PIBF1: variants seen among roughly 807,000 people sequenced by gnomAD.
The protein encoded by PIBF1 is progesterone-induced-blocking factor 1.
Under a neutral mutation model 112.5 loss-of-function variants are expected in PIBF1, and 90 were observed. The observed-to-expected ratio is 0.80, with a 90% CI of 0.67 to 0.95. The LOEUF (loss-of-function observed/expected upper bound fraction) is 0.95, where lower values mean the gene tolerates loss of function less well. Among genes scored for constraint, PIBF1 ranks in the 40% least tolerant of loss-of-function variants. PIBF1 has a pLI of 0.00. For synonymous variants in PIBF1, 301 were observed against 288.6 expected, an observed-to-expected ratio of 1.04 and a Z score of -0.44; for missense variants, 915 against 852.3, an observed-to-expected ratio of 1.07 and a Z score of -0.92.
intron 16 of PIBF1, among the ~76,000 whole-genome samples, chr13:72,992,641 G>C (rs2043517395): frequency 1.3e-5 from 2 of 151,834 alleles, no homozygotes. Context: ...AAAAATGAAA[G>C]ATAAAAAAAT....
intron 17 of PIBF1, among the ~76,000 whole-genome samples, chr13:73,005,845 G>A (rs1239904406): frequency 1.3e-5 from 2 of 151,888 alleles, no homozygotes; most frequent in Non-Finnish European, 2.9e-5. Flanking sequence ...AGGCACTGGG[G>A]ACTGAGGAGA....
In PIBF1 at chr13:72,987,874, T is replaced by A. The variant is rs1438056618; in HGVS notation, c.2050-10948T>A. 7.7e-3 allele frequency among the ~76,000 whole-genome samples: 918 copies of A among 118,858 alleles called. 19 individuals carry two copies. The highest frequency in any genetic ancestry group is 0.029 in the African/African-American group (857 of 29,804). The allele number at this position is 118,858 out of a possible 152,430, so 78.0% of individuals were successfully genotyped here. ...TATTTATTTATTTTTTTTTTTTTTTTTTTTTTTGAGGCAGAGTCTCGCTCT... is the reference window on the plus strand; with the variant it reads ...TATTTATTTATTTTTTTTTTTTTTTATTTTTTTGAGGCAGAGTCTCGCTCT... On this transcript the variant is annotated intron_variant, in intron 16 of 17. Coordinates refer to ENST00000326291, the MANE Select transcript of PIBF1 (RefSeq NM_006346.4).
Position 72,978,437 on chromosome 13 carries a change from G to T in PIBF1, c.2049+4762G>T, listed in dbSNP as rs184064124. On this transcript the variant is annotated intron_variant, in intron 16 of 17. Coordinates refer to ENST00000326291, the MANE Select transcript of PIBF1 (RefSeq NM_006346.4). Reference sequence around the variant, plus strand: ...ATTTTTTCCCTGAAACAAAACTAAGGTTCTTTTTCCTTAGTCTCATTTAGA... The same window carrying T: ...ATTTTTTCCCTGAAACAAAACTAAGTTTCTTTTTCCTTAGTCTCATTTAGA... 2.1e-3 allele frequency among the ~76,000 whole-genome samples: 319 copies of T among 152,202 alleles called. 2 individuals are homozygous for T. Among genetic ancestry groups the T allele is most frequent in the Non-Finnish European group, 2.3e-3 (155 of 68,000 alleles).
chr13:72,995,211 G>T (rs1335234513), intron 16 of PIBF1, among the ~76,000 whole-genome samples: 2 of 150,196 alleles, frequency 1.3e-5, no homozygotes, highest in Non-Finnish European at 2.9e-5. Context: ...CTGAAGCAGA[G>T]AATTGCTTGA....
intron 12 of PIBF1, among the ~76,000 whole-genome samples, chr13:72,911,657 C>A (rs942498948): frequency 7.2e-5 from 11 of 152,012 alleles, no homozygotes; most frequent in Non-Finnish European, 1.3e-4. Flanking sequence ...CTTCAAAAGA[C>A]ACCATTAAGA....
intron 17 of PIBF1, among the ~76,000 whole-genome samples, chr13:73,002,569 C>T (rs139743651): frequency 8.5e-4 from 129 of 152,166 alleles, no homozygotes; most frequent in African/African-American, 3.0e-3. Flanking sequence ...CCATCCTATT[C>T]GAAAATAGAA....
chr13:72,783,228 C>T (rs573267133), intron 1 of PIBF1, among the ~76,000 whole-genome samples, 195 bp from the exon 2 acceptor site: 1 of 152,044 alleles, frequency 6.6e-6, no homozygotes, highest in Middle Eastern at 3.4e-3. Context: ...TTAAGTTTCT[C>T]GAAGGCTGAC....
chr13:72,807,417 A>G (rs1457613697), intron 5 of PIBF1, among the ~76,000 whole-genome samples: 3 of 152,166 alleles, frequency 2.0e-5, no homozygotes, highest in Non-Finnish European at 4.4e-5. Flanking sequence ...TCTATTAAAA[A>G]TACATAAATT....
chr13:72,986,526 A>G (rs1205154639), intron 16 of PIBF1, among the ~76,000 whole-genome samples: 4 of 152,132 alleles, frequency 2.6e-5, no homozygotes, highest in Non-Finnish European at 1.5e-5. Flanking sequence ...CATATCCATG[A>G]TTGTGAAAGA....
intron 2 of PIBF1, among the ~76,000 whole-genome samples, chr13:72,785,208 C>T (rs2034534746): frequency 6.6e-6 from 1 of 152,154 alleles, no homozygotes; most frequent in African/African-American, 2.4e-5. Context: ...ACGTATTAGC[C>T]GTTGTTGTTT....
At chr13:72,824,112 C>T (rs527414296) in intron 6 of PIBF1, among the ~76,000 whole-genome samples, 6 of 152,070 alleles carry the variant, frequency 3.9e-5, no homozygotes, top group Non-Finnish European at 1.5e-5. Context: ...CTCCCAGGTT[C>T]AAACAATTCT....
chr13:72,837,435 T>A (rs1270498982), intron 9 of PIBF1, among the ~76,000 whole-genome samples: 1 of 152,100 alleles, frequency 6.6e-6, no homozygotes. Flanking sequence ...TGGACCACTC[T>A]TTAAATAGCA....
In PIBF1 at chr13:72,990,213, CAAAAAAAAAAA is replaced by C. The variant is rs34873893; in HGVS notation, c.2050-8595_2050-8585del. ...TGGGCAACAAAGCAAGACTCTGTCT[CAAAAAAAAAAA>C]AAAAAAAAAAAAATGCCAGGTACAG... On this transcript the variant is annotated intron_variant, in intron 16 of 17. Coordinates refer to ENST00000326291, the MANE Select transcript of PIBF1 (RefSeq NM_006346.4). Among the ~76,000 whole-genome samples, 161 of 52,714 alleles carry C rather than the reference CAAAAAAAAAAA, an allele frequency of 3.1e-3. No homozygotes were observed. In the East Asian group the frequency reaches 0.049, roughly 16 times the overall value. The allele number at this position is 52,714 out of a possible 152,430, so 34.6% of individuals were successfully genotyped here.
intron 13 of PIBF1, among the ~76,000 whole-genome samples, chr13:72,925,969 T>C (rs912135204): frequency 5.3e-5 from 8 of 152,228 alleles, no homozygotes; most frequent in African/African-American, 1.4e-4. Context: ...TTGTTACTTA[T>C]GCTTTTGCTG....
Position 72,977,773 on chromosome 13 carries a change from A to G in PIBF1, c.2049+4098A>G, listed in dbSNP as rs2043060292. ...TTAAGAGTTAGGGTGTGGTGTGACA[A>G]TTTCCAGGAATGTGTATTGATCTCT... On this transcript the variant is annotated intron_variant, in intron 16 of 17. Coordinates refer to ENST00000326291, the MANE Select transcript of PIBF1 (RefSeq NM_006346.4). 1.3e-5 allele frequency among the ~76,000 whole-genome samples: 2 copies of G among 152,160 alleles called. 1 individual carries two copies. The highest frequency in any genetic ancestry group is 4.1e-4 in the South Asian group (2 of 4,820).
At chr13:72,971,005 A>G (rs1451927731) in intron 15 of PIBF1, among the ~76,000 whole-genome samples, 1 of 152,188 alleles carries the variant, frequency 6.6e-6, no homozygotes, top group African/African-American at 2.4e-5. Flanking sequence ...TATTCCATGT[A>G]TATACGGTTG....
At chr13:72,977,274 G>A (rs1231965571) in intron 16 of PIBF1, among the ~76,000 whole-genome samples, 1 of 151,926 alleles carries the variant, frequency 6.6e-6, no homozygotes, top group Non-Finnish European at 1.5e-5. Flanking sequence ...GCGCTATTTC[G>A]GCTCAGCGCA....
chr13:72,793,990 G>A (rs1328976846), intron 3 of PIBF1, among the ~76,000 whole-genome samples: 1 of 152,140 alleles, frequency 6.6e-6, no homozygotes. Context: ...CATGAGACTA[G>A]ATGAATTCCC....
intron 10 of PIBF1, among the ~76,000 whole-genome samples, chr13:72,870,481 C>T (rs147938543): frequency 9.9e-5 from 15 of 152,208 alleles, no homozygotes; most frequent in Non-Finnish European, 1.5e-4. Context: ...AAATAAAATG[C>T]CAAAGTATCT....
Sources: allele counts gnomAD v4.1 joint callset (sites outside exome capture counted in the v4.1 genomes callset), GRCh38; gene constraint gnomAD v4.1.1; transcripts MANE v1.5; gene names NCBI Gene and HGNC (gene_info 2026-07-23, HGNC 2026-07-21).